Variants in PCDHGA3 observed in about 807,000 individuals in gnomAD.
PCDHGA3 encodes protocadherin gamma subfamily A, 3, also known as protocadherin gamma-A3.
PCDHGA3 carries 40 observed loss-of-function variants against 58.5 expected under a neutral mutation model. The ratio of observed to expected loss-of-function variants is 0.68; its 90% CI spans 0.53 to 0.89. PCDHGA3 has a LOEUF of 0.89. PCDHGA3 is among the 40% of genes least tolerant of loss of function. The probability of loss-of-function intolerance (pLI) is 0.00; values close to 1 mark genes in which losing one functional copy is unlikely to be tolerated. For synonymous variants in PCDHGA3, 530 were observed against 525.7 expected, an observed-to-expected ratio of 1.01 and a Z score of -0.11; for missense variants, 1,223 against 1,195.9, an observed-to-expected ratio of 1.02 and a Z score of -0.33.
chr5:141,402,319 C>G lies in PCDHGA3; in HGVS notation c.2424+55862C>G, dbSNP rs181180510. On this transcript the variant is annotated intron_variant, in intron 1 of 3. Transcript: ENST00000253812. ...TGTATTAATACAATTATATATTTTA[C>G]ATTTACAAATATATAGGTATAAAAA... Among the ~76,000 whole-genome samples, 14 of 151,934 alleles carry G rather than the reference C, an allele frequency of 9.2e-5. No individual in the cohort carries two copies. In the East Asian group the frequency reaches 2.7e-3, roughly 29 times the overall value.
intron 1 of PCDHGA3, chr5:141,366,082 T>C (rs1228073481): frequency 1.2e-6 from 2 of 1,614,246 alleles, no homozygotes; most frequent in East Asian, 2.2e-5. Context: ...CCGCAGAACC[T>C]GGCTACCTGG....
Position 141,394,937 on chromosome 5 carries a change from C to T in PCDHGA3, c.2424+48480C>T, listed in dbSNP as rs1224179687. 4.3e-6 allele frequency: 7 copies of T among 1,613,688 alleles called. No individual in the cohort carries two copies. In the East Asian group the frequency reaches 8.9e-5, roughly 21 times the overall value. ...TCTCCTGTGTCTTCCTCGCCTTTGT[C>T]GCTGTGCTTCTGGGGCTCAGGCTGA... On this transcript the variant is annotated intron_variant, in intron 1 of 3. Transcript: ENST00000253812.
intron 1 of PCDHGA3, chr5:141,413,750 G>T (rs1325273363): frequency 6.2e-7 from 1 of 1,612,538 alleles, no homozygotes; most frequent in African/African-American, 1.3e-5. Flanking sequence ...CGTGCCAATG[G>T]CGTCAAGTAC....
rs752389107 is a variant in PCDHGA3 at position 141,345,206 on chromosome 5, A to G, written c.1173A>G (p.Pro391=). 4 of 1,613,874 alleles carry G rather than the reference A, an allele frequency of 2.5e-6. No homozygotes were observed. The highest frequency in any genetic ancestry group is 3.3e-5 in the Admixed American group (2 of 60,004). The change falls in exon 1 of 4, where the codon CCA becomes CCG. Residue 391 remains proline, a synonymous_variant. Coordinates refer to ENST00000253812, the MANE Select transcript of PCDHGA3 (RefSeq NM_018916.4). ...AAGTTTTTGTCCTGGGAAATCTGCC[A>G]TTTAAGTTAGAAAAATCAATAGATC... is the stretch of plus-strand genomic sequence containing the variant. ...QVEVFVLGNL[P]FKLEKSIDQY... is the part of the protein sequence containing the mutation.
intron 1 of PCDHGA3, among the ~76,000 whole-genome samples, chr5:141,458,512 TG>T (rs995261761): frequency 1.3e-5 from 2 of 150,194 alleles, no homozygotes; most frequent in East Asian, 1.9e-4. Flanking sequence ...TTTGACACTT[TG>T]TTTTTTTTTT....
intron 1 of PCDHGA3, chr5:141,377,597 C>G (rs935154854): frequency 2.6e-4 from 37 of 142,848 alleles, no homozygotes; most frequent in African/African-American, 9.9e-4. Context: ...CTTTTTCTCT[C>G]TCTCTCTCAA....
intron 1 of PCDHGA3, among the ~76,000 whole-genome samples, chr5:141,433,974 C>A (rs1045247496): frequency 6.6e-6 from 1 of 152,026 alleles, no homozygotes; most frequent in Non-Finnish European, 1.5e-5. Context: ...GGCTTTCTAC[C>A]TTGAAGAAGA....
chr5:141,436,048 T>G (rs553708148), intron 1 of PCDHGA3, among the ~76,000 whole-genome samples: 1 of 152,316 alleles, frequency 6.6e-6, no homozygotes, highest in South Asian at 2.1e-4. Context: ...TACATTAGTT[T>G]TCAAATAGAA....
chr5:141,361,884 G>A (rs1017446737), intron 1 of PCDHGA3: 1 of 1,610,512 alleles, frequency 6.2e-7, no homozygotes, highest in Non-Finnish European at 8.5e-7. Flanking sequence ...GCGCCGCAGA[G>A]CCCGGCTACC....
Position 141,478,516 on chromosome 5 carries a change from G to A in PCDHGA3, c.2425-16291G>A, listed in dbSNP as rs769702987. The A allele has an allele frequency of 4.3e-6, 7 of 1,610,992 alleles. No homozygotes were observed. In the African/African-American group the frequency reaches 8.0e-5, roughly 18 times the overall value. ...GTGATCCGGTGTTCTATAGGCAGGT[G>A]TTGGGTGCAGAGAGCGCCCCTCCCG... On this transcript the variant is annotated intron_variant, in intron 1 of 3. Transcript: ENST00000253812.
chr5:141,456,229 C>G (rs191169523), intron 1 of PCDHGA3, among the ~76,000 whole-genome samples: 9 of 152,234 alleles, frequency 5.9e-5, no homozygotes, highest in African/African-American at 1.7e-4. Context: ...ATCAAACTAA[C>G]TGCTGTTAGG....
At chr5:141,359,582 T>C (rs936451476) in intron 1 of PCDHGA3, among the ~76,000 whole-genome samples, 2 of 151,660 alleles carry the variant, frequency 1.3e-5, no homozygotes, top group African/African-American at 2.4e-5. Flanking sequence ...CTTTAAGATA[T>C]AACAACTAAA....
intron 1 of PCDHGA3, chr5:141,413,956 G>A (rs2095696052): frequency 2.5e-6 from 4 of 1,613,366 alleles, no homozygotes; most frequent in African/African-American, 2.7e-5. Flanking sequence ...GAATTTGCCT[G>A]TGGGCACTCA....
intron 2 of PCDHGA3, among the ~76,000 whole-genome samples, chr5:141,503,909 C>T (rs904260329): frequency 1.3e-5 from 2 of 152,156 alleles, no homozygotes; most frequent in Admixed American, 1.3e-4. Flanking sequence ...ACACACACAA[C>T]GCAACACACA....
intron 1 of PCDHGA3, chr5:141,428,587 G>T: frequency 4.4e-6 from 1 of 226,768 alleles, no homozygotes; most frequent in Non-Finnish European, 8.9e-6. Context: ...AGTTTCTCTG[G>T]TAGCAAGCTT....
At chr5:141,417,949 TGA>T (rs2096196504) in intron 1 of PCDHGA3, 1 of 1,613,400 alleles carries the variant, frequency 6.2e-7, no homozygotes, top group Non-Finnish European at 8.5e-7. Context: ...CCACGCTGTG[TGA>T]GCCGATCCGC....
At chr5:141,365,680 C>T in intron 1 of PCDHGA3, 1 of 1,613,514 alleles carries the variant, frequency 6.2e-7, no homozygotes, top group Non-Finnish European at 8.5e-7. Flanking sequence ...ACAACCCACC[C>T]AATTTCCCTC....
intron 1 of PCDHGA3, chr5:141,475,984 G>T: frequency 1.9e-6 from 2 of 1,069,308 alleles, no homozygotes; most frequent in South Asian, 3.1e-5. Context: ...AACAGCCGGC[G>T]AGCAAATCAA....
In PCDHGA3 at chr5:141,432,654, T is replaced by C. The variant is rs2097525297; in HGVS notation, c.2425-62153T>C. ...GGCGAGGTGCGCACGGCGCGAGCCC[T>C]GCTGGACAGAGACGCGCTCAAGCAG... is the stretch of plus-strand genomic sequence containing the variant. On this transcript the variant is annotated intron_variant, in intron 1 of 3. Transcript: ENST00000253812. This position sits in a 1 kb window ranked among gnomAD's most constrained non-coding sequence, Gnocchi z 6.0. The C allele has an allele frequency of 1.2e-6, 2 of 1,613,816 alleles. No homozygotes were observed. Among genetic ancestry groups the C allele is most frequent in the African/African-American group, 1.3e-5 (1 of 75,034 alleles).
Sources: allele counts gnomAD v4.1 joint callset (sites outside exome capture counted in the v4.1 genomes callset), GRCh38; gene constraint gnomAD v4.1.1; non-coding constraint Gnocchi (gnomAD v3.1); transcripts MANE v1.5; gene names NCBI Gene and HGNC (gene_info 2026-07-23, HGNC 2026-07-21).